GPATCH8: variants seen among roughly 807,000 people sequenced by gnomAD.
GPATCH8 encodes the protein G patch domain-containing protein 8.
GPATCH8 carries 18 observed loss-of-function variants against 118.3 expected under a neutral mutation model. That is an observed-to-expected ratio of 0.15 (90% CI 0.11 to 0.23). The LOEUF (loss-of-function observed/expected upper bound fraction) is 0.23. GPATCH8 is among the 10% of genes least tolerant of loss of function. The pLI, the probability that GPATCH8 is intolerant of heterozygous loss-of-function variation, is 1.00. For missense variants in GPATCH8, 1,631 were observed against 1,873.8 expected (o/e 0.87, Z 2.39); for synonymous variants, 659 against 684.7 (o/e 0.96, Z 0.59).
intron 3 of GPATCH8, among the ~76,000 whole-genome samples, chr17:44,441,734 A>C (rs1054757896): frequency 9.3e-5 from 14 of 149,880 alleles, no homozygotes; most frequent in East Asian, 3.9e-4. Context: ...CCCGCCCCCC[A>C]AAAAAATCAA....
Position 44,396,065 on chromosome 17 carries a change from C to T in GPATCH8, c.*1503G>A, listed in dbSNP as rs2048768758. On this transcript the variant is annotated 3_prime_UTR_variant, in exon 8 of 8. Coordinates refer to ENST00000591680, the MANE Select transcript of GPATCH8 (RefSeq NM_001002909.4). ...GAAGCAAAATATCTGTAAATGTGCT[C>T]ACCTCCCAACAAAAGGAAGACTGTC... 2 of 454,382 alleles carry T rather than the reference C, an allele frequency of 4.4e-6. No homozygotes were observed. Among genetic ancestry groups the T allele is most frequent in the African/African-American group, 2.0e-5 (1 of 49,970 alleles). 28.1% of individuals were successfully genotyped at this position (454,382 alleles called of 1,614,324 possible).
intron 3 of GPATCH8, among the ~76,000 whole-genome samples, chr17:44,441,841 C>T (rs2050701651): frequency 1.3e-5 from 2 of 151,428 alleles, no homozygotes; most frequent in South Asian, 4.2e-4. Flanking sequence ...CCAGCCTGAC[C>T]AACATGGTGA....
intron 1 of GPATCH8, among the ~76,000 whole-genome samples, chr17:44,500,349 A>C (rs1054523249): frequency 5.9e-5 from 9 of 152,204 alleles, no homozygotes; most frequent in Admixed American, 1.3e-4. Context: ...GAAGACTATG[A>C]GATAAGACAC....
chr17:44,469,981 C>T (rs1376196071), intron 2 of GPATCH8, among the ~76,000 whole-genome samples: 4 of 152,158 alleles, frequency 2.6e-5, no homozygotes, highest in South Asian at 4.1e-4. Flanking sequence ...CCTTAAGATG[C>T]GCAAACTAAA....
chr17:44,502,359 GT>G lies in GPATCH8; in HGVS notation c.45+966del, dbSNP rs10532706. On this transcript the variant is annotated intron_variant, in intron 1 of 7. Transcript: ENST00000591680. ...CCAGGATATGCGGTAGTAATGCAGT[GT>G]TTTTTTTTTTTTTTTGAGACTCTAC... is the stretch of plus-strand genomic sequence containing the variant. Among the ~76,000 whole-genome samples the G allele has an allele frequency of 3.4e-3, 497 of 144,062 alleles. 2 individuals are homozygous for G. The highest frequency in any genetic ancestry group is 9.1e-3 in the African/African-American group (359 of 39,378). The allele number at this position is 144,062 out of a possible 152,430, so 94.5% of individuals were successfully genotyped here.
intron 6 of GPATCH8, among the ~76,000 whole-genome samples, chr17:44,407,742 C>T (rs1035845768): frequency 2.0e-5 from 3 of 151,474 alleles, no homozygotes; most frequent in African/African-American, 7.3e-5. Context: ...CTGCAGCCTC[C>T]GCCTCCCAGG....
intron 3 of GPATCH8, among the ~76,000 whole-genome samples, chr17:44,447,114 G>A (rs2050914112): frequency 6.6e-6 from 1 of 151,328 alleles, no homozygotes; most frequent in Admixed American, 6.6e-5. Flanking sequence ...GGGATTACAG[G>A]TGTGATCCAC....
chr17:44,437,657 C>CA (rs11337615), intron 3 of GPATCH8, among the ~76,000 whole-genome samples: 125 of 151,002 alleles, frequency 8.3e-4, no homozygotes, highest in African/African-American at 2.9e-3. Context: ...CTCCCAACCC[C>CA]AAAAAAAACT....
intron 6 of GPATCH8, among the ~76,000 whole-genome samples, chr17:44,413,274 TTTC>T (rs1373060338): frequency 3.9e-5 from 6 of 152,148 alleles, no homozygotes; most frequent in Admixed American, 2.0e-4. Flanking sequence ...ACAAATTCTT[TTTC>T]TTCTTATTTT....
chr17:44,479,446 T>C (rs1968035292), intron 1 of GPATCH8, among the ~76,000 whole-genome samples: 1 of 152,162 alleles, frequency 6.6e-6, no homozygotes, highest in African/African-American at 2.4e-5. Context: ...AACAGAGAAA[T>C]TTTAATGTTT....
At chr17:44,443,907 C>G (rs1214997436) in intron 3 of GPATCH8, among the ~76,000 whole-genome samples, 1 of 152,108 alleles carries the variant, frequency 6.6e-6, no homozygotes, top group African/African-American at 2.4e-5. Flanking sequence ...CTTCTGAGCT[C>G]AAGCAATTTG....
chr17:44,457,804 G>A (rs570794995), intron 3 of GPATCH8, among the ~76,000 whole-genome samples: 45 of 152,014 alleles, frequency 3.0e-4, no homozygotes, highest in Admixed American at 2.0e-3. Flanking sequence ...GGCGTTCGCC[G>A]GGCGCAGTGG....
chr17:44,413,790 T>C (rs2049542414), intron 6 of GPATCH8, among the ~76,000 whole-genome samples: 1 of 152,044 alleles, frequency 6.6e-6, no homozygotes, highest in Admixed American at 6.6e-5. Flanking sequence ...TGGCTAATTT[T>C]TGTATTTTTA....
intron 4 of GPATCH8, among the ~76,000 whole-genome samples, chr17:44,436,017 G>A (rs1349467497): frequency 9.2e-5 from 7 of 76,080 alleles, no homozygotes; most frequent in Non-Finnish European, 1.4e-4. Flanking sequence ...CAACAAGAGC[G>A]AAACTCCATC....
At chr17:44,416,168 A>AT (rs1260412062) in intron 6 of GPATCH8, among the ~76,000 whole-genome samples, 8 of 151,548 alleles carry the variant, frequency 5.3e-5, no homozygotes, top group East Asian at 1.9e-4. Context: ...CGCCCAGCTA[A>AT]TTTTTTTTTG....
At chr17:44,481,366 C>T (rs1226658454) in intron 1 of GPATCH8, among the ~76,000 whole-genome samples, 1 of 152,118 alleles carries the variant, frequency 6.6e-6, no homozygotes, top group Non-Finnish European at 1.5e-5. Flanking sequence ...TGGTATACCC[C>T]ATACAATGAG....
intron 6 of GPATCH8, among the ~76,000 whole-genome samples, chr17:44,411,401 G>A (rs2049425936): frequency 6.6e-6 from 1 of 152,136 alleles, no homozygotes; most frequent in African/African-American, 2.4e-5. Context: ...TTAGTGCTAT[G>A]CTTCTCTCTA....
intron 3 of GPATCH8, among the ~76,000 whole-genome samples, chr17:44,446,694 A>C: frequency 6.6e-6 from 1 of 152,184 alleles, no homozygotes; most frequent in East Asian, 1.9e-4. Flanking sequence ...TGATACTATA[A>C]TAAGCCAACA....
chr17:44,491,347 A>C (rs961556678), intron 1 of GPATCH8, among the ~76,000 whole-genome samples: 7 of 151,972 alleles, frequency 4.6e-5, no homozygotes, highest in African/African-American at 1.7e-4. Context: ...AAATCAGCCA[A>C]GTGTGGTGGT....
Sources: gnomAD v4.1 joint callset for allele counts (sites outside exome capture counted in the v4.1 genomes callset) on GRCh38, gnomAD v4.1.1 for gene constraint, MANE v1.5 for transcripts, NCBI Gene and HGNC (gene_info 2026-07-23, HGNC 2026-07-21) for gene names.